Variants in PRAG1 observed in about 807,000 individuals in gnomAD.
The protein encoded by PRAG1 is PEAK1 related, kinase-activating pseudokinase 1.
In PRAG1, 110 loss-of-function variants were observed where a neutral mutation model predicts 95.6. The ratio of observed to expected loss-of-function variants is 1.15; its 90% confidence interval spans 0.99 to 1.35. The LOEUF (loss-of-function observed/expected upper bound fraction) is 1.35, where lower values mean the gene tolerates loss of function less well. PRAG1 is among the 40% of genes most tolerant of loss of function. PRAG1 has a pLI of 0.00. For synonymous variants in PRAG1, 1,052 were observed against 819.4 expected, an observed-to-expected ratio of 1.28 and a Z score of -4.85; for missense variants, 2,554 against 1,864.7, an observed-to-expected ratio of 1.37 and a Z score of -6.81.
chr8:8,348,497 A>T (rs1036107140), intron 3 of PRAG1, among the ~76,000 whole-genome samples: 2 of 152,170 alleles, frequency 1.3e-5, no homozygotes, highest in African/African-American at 4.8e-5. Flanking sequence ...ACAAAGTATC[A>T]TCATTTTGGT....
intron 4 of PRAG1, among the ~76,000 whole-genome samples, chr8:8,331,986 G>A (rs2945904): frequency 0.17 from 26,098 of 151,778 alleles, 2,318 homozygotes; most frequent in East Asian, 0.3. Context: ...CTCAGTACTC[G>A]CCGCATTATA....
At chr8:8,380,322 G>C (rs1268762944) in intron 2 of PRAG1, among the ~76,000 whole-genome samples, 1 of 152,030 alleles carries the variant, frequency 6.6e-6, no homozygotes, top group Non-Finnish European at 1.5e-5. Context: ...AAATAGGCCA[G>C]GCGCGGTGGC....
At chr8:8,336,305 T>C (rs1163223217) in intron 4 of PRAG1, among the ~76,000 whole-genome samples, 2 of 152,162 alleles carry the variant, frequency 1.3e-5, no homozygotes, top group Admixed American at 6.5e-5. Flanking sequence ...AGTAACCACT[T>C]AAAGCAAAAA....
At chr8:8,339,456 C>A in intron 4 of PRAG1, 22 bp downstream of exon 4, 1 of 1,611,228 alleles carries the variant, frequency 6.2e-7, no homozygotes, top group South Asian at 1.1e-5. Flanking sequence ...CTAAGCCTCT[C>A]CGTCAATGTC....
chr8:8,359,768 T>C (rs1348896046), intron 3 of PRAG1, among the ~76,000 whole-genome samples: 2 of 152,230 alleles, frequency 1.3e-5, no homozygotes, highest in Admixed American at 6.5e-5. Context: ...CATCTGGATG[T>C]ATGTATTTTT....
chr8:8,369,492 A>G (rs1268764379), intron 3 of PRAG1, among the ~76,000 whole-genome samples: 1 of 152,182 alleles, frequency 6.6e-6, no homozygotes, highest in African/African-American at 2.4e-5. Flanking sequence ...TTTCTTGAGC[A>G]CCTGTTATGT....
At chr8:8,339,879 C>T (rs1358250626) in intron 3 of PRAG1, among the ~76,000 whole-genome samples, 3 of 152,130 alleles carry the variant, frequency 2.0e-5, no homozygotes, top group Non-Finnish European at 4.4e-5. Context: ...AAACAAGCAC[C>T]AAAATTCTTA....
intron 3 of PRAG1, among the ~76,000 whole-genome samples, chr8:8,358,529 G>C (rs543708040): frequency 1.3e-5 from 2 of 152,188 alleles, no homozygotes; most frequent in Non-Finnish European, 2.9e-5. Flanking sequence ...CCCTACTGAA[G>C]TGACCAAGGG....
chr8:8,339,708 G>A, intron 3 of PRAG1, 73 bp from the exon 4 acceptor site: 2 of 1,462,016 alleles, frequency 1.4e-6, no homozygotes, highest in Non-Finnish European at 1.9e-6. Context: ...GATGGATCAT[G>A]AACTTACCAT....
intron 3 of PRAG1, 52 bp downstream of exon 3, chr8:8,376,195 G>C: frequency 6.4e-7 from 1 of 1,570,596 alleles, no homozygotes; most frequent in Non-Finnish European, 8.6e-7. Flanking sequence ...GGTTTCTTCT[G>C]GAAGAGCCCT....
rs141281625 is a variant in PRAG1, at chr8:8,368,954, C to G, written c.2162+7293G>C. On this transcript the variant is annotated intron_variant, in intron 3 of 5. Transcript: ENST00000615670. Reference sequence around the variant, plus strand: ...AAAAAAAAAGCAGGGTAATAGAGACCGGTAGCAGGAATGAAATGTACAATC... The same window carrying G: ...AAAAAAAAAGCAGGGTAATAGAGACGGGTAGCAGGAATGAAATGTACAATC... Among the ~76,000 whole-genome samples, 12 of 151,658 alleles carry G rather than the reference C, an allele frequency of 7.9e-5. No individual in the cohort carries two copies. In the East Asian group the frequency reaches 2.3e-3, roughly 29 times the overall value.
chr8:8,377,511 G>T lies in PRAG1; in HGVS notation c.898C>A (p.Gln300Lys). Residue 300 changes from glutamine to lysine, a missense_variant, in exon 3 of 6, where the codon CAG becomes AAG. Transcript: ENST00000615670. ...EQGKCSGPAE[Q>K]EKRGPSFPKE... is the part of the protein sequence containing the mutation. ...GGGAAGCTCGGGCCCCGCTTCTCCT[G>T]CTCTGCGGGCCCGGAACACTTCCCC... 2 of 1,565,920 alleles carry T rather than the reference G, an allele frequency of 1.3e-6. No individual in the cohort carries two copies. Among genetic ancestry groups the T allele is most frequent in the South Asian group, 2.4e-5 (2 of 83,032 alleles).
chr8:8,385,334 C>T (rs1800812907), intron 1 of PRAG1, among the ~76,000 whole-genome samples: 1 of 151,860 alleles, frequency 6.6e-6, no homozygotes, highest in Non-Finnish European at 1.5e-5. Flanking sequence ...CGATATTCAC[C>T]CAACTTTTCC....
chr8:8,383,915 T>G (rs1467652437), intron 1 of PRAG1, among the ~76,000 whole-genome samples: 1 of 152,186 alleles, frequency 6.6e-6, no homozygotes, highest in Non-Finnish European at 1.5e-5. Context: ...TATTCCAGCC[T>G]TCAGGAATAG....
chr8:8,327,600 ACTCCCCTC>A, intron 5 of PRAG1, 102 bp downstream of exon 5: 1 of 1,245,376 alleles, frequency 8.0e-7, no homozygotes, highest in Non-Finnish European at 1.1e-6. Context: ...TTAGGAATCA[ACTCCCCTC>A]CTAATGCCCA....
At chr8:8,339,428 T>A (rs1799095887) in intron 4 of PRAG1, 50 bp downstream of exon 4, 1 of 1,597,008 alleles carries the variant, frequency 6.3e-7, no homozygotes, top group East Asian at 2.2e-5. Flanking sequence ...AGGACTGGTC[T>A]TGAAGGTCCA....
At chr8:8,361,151 C>A (rs967506385) in intron 3 of PRAG1, among the ~76,000 whole-genome samples, 2 of 152,288 alleles carry the variant, frequency 1.3e-5, no homozygotes, top group Non-Finnish European at 2.9e-5. Context: ...GTTAGGGGAG[C>A]ATTTACAAAG....
chr8:8,358,025 C>T (rs969932409), intron 3 of PRAG1, among the ~76,000 whole-genome samples: 1 of 152,178 alleles, frequency 6.6e-6, no homozygotes, highest in African/African-American at 2.4e-5. Context: ...TCAGATCCCA[C>T]AGGTTGAGGG....
At chr8:8,356,661 T>C (rs1799692181) in intron 3 of PRAG1, among the ~76,000 whole-genome samples, 3 of 152,148 alleles carry the variant, frequency 2.0e-5, no homozygotes, top group Admixed American at 2.0e-4. Context: ...AGGTTCTCAG[T>C]GGCATTTTTT....
Sources: allele counts gnomAD v4.1 joint callset (sites outside exome capture counted in the v4.1 genomes callset), GRCh38; gene constraint gnomAD v4.1.1; transcripts MANE v1.5; gene names NCBI Gene and HGNC (gene_info 2026-07-23, HGNC 2026-07-21).